The following PLEKHG2 variants were observed in gnomAD, a reference collection of about 807,000 sequenced individuals.
PLEKHG2 encodes the protein pleckstrin homology domain-containing family G member 2.
In PLEKHG2, 71 loss-of-function variants were observed where a neutral mutation model predicts 104.4. That is an observed-to-expected ratio of 0.68 (90% CI 0.56 to 0.83). The LOEUF is 0.83. Among genes scored for constraint, PLEKHG2 ranks in the 40% least tolerant of loss-of-function variants. The probability of loss-of-function intolerance (pLI) is 0.00; values close to 1 mark genes in which losing one functional copy is unlikely to be tolerated. For synonymous variants in PLEKHG2, 728 were observed against 737.0 expected (o/e 0.99, Z 0.20); for missense variants, 1,730 against 1,809.4 (o/e 0.96, Z 0.80).
At position 39,416,594 on chromosome 19, in the gene PLEKHG2, C is replaced by A; in HGVS notation, c.590C>A (p.Pro197Gln). Reference protein sequence around the residue: ...DIYTLYCMNYPSSLALLRELS... With the variant: ...DIYTLYCMNYQSSLALLRELS... Reference sequence around the variant, plus strand: ...TACACATTGTACTGCATGAACTACCCGAGGTGAGGGGCAGGAGCCCCTGCT... The same window carrying A: ...TACACATTGTACTGCATGAACTACCAGAGGTGAGGGGCAGGAGCCCCTGCT... Residue 197 changes from proline (P) to glutamine (Q), a missense_variant, in exon 6 of 19, where the codon CCG (proline) becomes CAG (glutamine). Transcript: ENST00000425673. This position sits in a 1 kb window ranked among gnomAD's most constrained non-coding sequence, Gnocchi z 4.5. The A allele has an allele frequency of 6.2e-7, 1 of 1,613,892 alleles. No individual in the cohort carries two copies. Among genetic ancestry groups the A allele is most frequent in the Non-Finnish European group, 8.5e-7 (1 of 1,179,950 alleles).
In PLEKHG2 at chr19:39,414,136, T is replaced by G; in HGVS notation, c.50T>G (p.Leu17Arg). The part of the protein sequence containing the change: ...GLSLSKPSPS[L>R]GCGRRGEVCD... Reference sequence around the variant, plus strand: ...AGCCTCTCCAAACCTAGCCCAAGCCTCGGGTGTGGCCGAAGAGGTGAAGTG... The same window carrying G: ...AGCCTCTCCAAACCTAGCCCAAGCCGCGGGTGTGGCCGAAGAGGTGAAGTG... Residue 17 changes from leucine to arginine, a missense_variant, in exon 2 of 19, where the codon CTC (leucine) becomes CGC (arginine). Leu to Arg is a moderately radical substitution (Grantham distance 102). Coordinates refer to ENST00000425673, the MANE Select transcript of PLEKHG2 (RefSeq NM_022835.3). The G allele has an allele frequency of 6.4e-7, 1 of 1,551,520 alleles. No individual in the cohort carries two copies. Among genetic ancestry groups the G allele is most frequent in the Non-Finnish European group, 8.7e-7 (1 of 1,146,902 alleles).
rs376758105 is a variant in PLEKHG2 at position 39,423,021 on chromosome 19, T to C, written c.1967T>C (p.Leu656Pro). 1 of 1,614,090 alleles carries C rather than the reference T, an allele frequency of 6.2e-7. No individual in the cohort carries two copies. Among genetic ancestry groups the C allele is most frequent in the Admixed American group, 1.7e-5 (1 of 60,006 alleles). Residue 656 changes from leucine to proline, a missense_variant, in exon 18 of 19, where the codon CTT becomes CCT. Physicochemically the swap from Leu to Pro is moderately conservative, Grantham distance 98 (BLOSUM62 -3). Coordinates refer to ENST00000425673, the MANE Select transcript of PLEKHG2 (RefSeq NM_022835.3). ...TGTGAAATTCCCGAAGGTTCTCGCC[T>C]TCCTAGTCTCTCTGACATTTCCGAT... ...SRCEIPEGSRLPSLSDISDVF... is the reference protein window; with the variant it reads ...SRCEIPEGSRPPSLSDISDVF...
Position 39,423,287 on chromosome 19 carries a change from C to G in PLEKHG2, c.2233C>G (p.Gln745Glu), listed in dbSNP as rs753321306. 2.4e-5 allele frequency: 38 copies of G among 1,613,958 alleles called. 1 individual carries two copies. In the South Asian group the frequency reaches 4.2e-4, roughly 18 times the overall value. ...DEEGVSFTDF[Q>E]PQDVTQHQGF... is the part of the protein sequence containing the mutation. ...AGAAGGGGTATCATTCACAGACTTC[C>G]AGCCCCAGGATGTCACCCAACATCA... Residue 745 changes from glutamine (Q) to glutamate (E), a missense_variant, in exon 18 of 19, where the codon CAG becomes GAG. Gln to Glu is a conservative substitution (Grantham distance 29, BLOSUM62 2). Transcript: ENST00000425673.
rs887112623 is a variant in PLEKHG2, at chr19:39,424,903, C to T, written c.3770C>T (p.Thr1257Met). 1.5e-5 allele frequency: 25 copies of T among 1,614,228 alleles called. No individual in the cohort carries two copies. The highest frequency in any genetic ancestry group is 6.7e-5 in the East Asian group (3 of 44,890). Reference protein sequence around the residue: ...HVARLESSDLTPPHSPPPSSR... With the variant: ...HVARLESSDLMPPHSPPPSSR... ...GCCAGGTTGGAGTCTTCAGACTTGA[C>T]GCCACCTCATAGTCCCCCACCTTCC... Residue 1257 changes from threonine (T) to methionine (M), a missense_variant, in exon 19 of 19, where the codon ACG becomes ATG. Thr to Met is a moderately conservative substitution (Grantham distance 81). Coordinates refer to ENST00000425673, the MANE Select transcript of PLEKHG2 (RefSeq NM_022835.3).
rs999859814 is a variant in PLEKHG2 at position 39,427,481 on chromosome 19, G to A, written c.*2187G>A. ...TGGGATTGCAGGCGCCCACGACCAC[G>A]CCCAGCTAATTTTTGTATTTTGTAG... On this transcript the variant is annotated 3_prime_UTR_variant, in exon 19 of 19. Coordinates refer to ENST00000425673, the MANE Select transcript of PLEKHG2 (RefSeq NM_022835.3). The A allele has an allele frequency of 7.9e-5, 12 of 151,760 alleles. No individual in the cohort carries two copies. Among genetic ancestry groups the A allele is most frequent in the African/African-American group, 2.7e-4 (11 of 41,226 alleles). The allele number at this position is 151,760 out of a possible 1,614,324, so 9.4% of individuals were successfully genotyped here. A position where few individuals can be genotyped will look rare whatever the true frequency, so the allele number is the denominator to read the frequency against.
At position 39,420,811 on chromosome 19, in the gene PLEKHG2, C is replaced by T. The variant is rs34975345; in HGVS notation, c.1358C>T (p.Pro453Leu). The change falls in exon 13 of 19, where the codon CCT (proline) becomes CTT (leucine). Residue 453 changes from proline (P) to leucine (L), a missense_variant. Transcript: ENST00000425673. ...PLTPPLGSPR[P>L]RDARSFTPGR... Reference sequence around the variant, plus strand: ...ACACCCCCACTTGGGTCTCCTCGACCTCGAGATGCTAGAAGTTTTACCCCT... The same window carrying T: ...ACACCCCCACTTGGGTCTCCTCGACTTCGAGATGCTAGAAGTTTTACCCCT... The T allele has an allele frequency of 1.2e-5, 20 of 1,614,052 alleles. No homozygotes were observed. The highest frequency in any genetic ancestry group is 1.6e-5 in the Non-Finnish European group (19 of 1,180,036).
At position 39,427,972 on chromosome 19, in the gene PLEKHG2, G is replaced by A. The variant is rs1441039311; in HGVS notation, c.*2678G>A. ...AATCCCAACACTTCGTGAGGCCAAG[G>A]CAGGTGGATCACTTGAAGTGAGGAG... On this transcript the variant is annotated 3_prime_UTR_variant, in exon 19 of 19. Coordinates refer to ENST00000425673, the MANE Select transcript of PLEKHG2 (RefSeq NM_022835.3). The A allele has an allele frequency of 6.6e-6, 1 of 152,220 alleles. No individual in the cohort carries two copies. Among genetic ancestry groups the A allele is most frequent in the Non-Finnish European group, 1.5e-5 (1 of 68,066 alleles). The allele number at this position is 152,220 out of a possible 1,614,324, so 9.4% of individuals were successfully genotyped here. A position where few individuals can be genotyped will look rare whatever the true frequency, so the allele number is the denominator to read the frequency against.
rs753041180 is a variant in PLEKHG2 at position 39,412,783 on chromosome 19, C to G, written c.-652C>G. On this transcript the variant is annotated 5_prime_UTR_variant, in exon 1 of 19. Coordinates refer to ENST00000425673, the MANE Select transcript of PLEKHG2 (RefSeq NM_022835.3). The stretch of plus-strand genomic sequence containing the variant: ...TTCTGCACCGCATCCTGAGAGACCC[C>G]GAGGTCCAGACCCCGGCGCCCAGGC... 2 of 152,222 alleles carry G rather than the reference C, an allele frequency of 1.3e-5. No individual in the cohort carries two copies. Among genetic ancestry groups the G allele is most frequent in the Admixed American group, 6.5e-5 (1 of 15,294 alleles). 9.4% of individuals were successfully genotyped at this position (152,222 alleles called of 1,614,324 possible).
rs1391938285 is a variant in PLEKHG2, at chr19:39,422,714, C to T, written c.1678-18C>T. The stretch of plus-strand genomic sequence containing the variant: ...ACCATGCTGATATGTTTGGCTTGTT[C>T]TCCTGTGCCCACTATAGCCGTCCAC... On this transcript the variant is annotated intron_variant, in intron 17 of 18. Coordinates refer to ENST00000425673, the MANE Select transcript of PLEKHG2 (RefSeq NM_022835.3). The T allele has an allele frequency of 4.0e-6, 6 of 1,512,724 alleles. No homozygotes were observed. The East Asian group carries it at 1.1e-4, about 29-fold the overall frequency. The allele number at this position is 1,512,724 out of a possible 1,614,324, so 93.7% of individuals were successfully genotyped here. A position where few individuals can be genotyped will look rare whatever the true frequency, so the allele number is the denominator to read the frequency against.
rs2078584029 is a variant in PLEKHG2 at position 39,415,252 on chromosome 19, A to G, written c.370A>G (p.Ile124Val). The stretch of plus-strand genomic sequence containing the variant: ...GGCCTATGTCAGGGACCTCCGCAGC[A>G]TCGTGGAGGTAAGGCGGGCAGACAC... ...ERAYVRDLRS[I>V]VEDYLGPLLD... The change falls in exon 3 of 19, where the codon ATC (isoleucine) becomes GTC (valine). Residue 124 changes from isoleucine (I) to valine (V), a missense_variant. By Grantham distance (29) the Ile-to-Val change is conservative (BLOSUM62 3). Coordinates refer to ENST00000425673, the MANE Select transcript of PLEKHG2 (RefSeq NM_022835.3). The surrounding 1 kb of genome is among the most constrained non-coding windows in gnomAD (Gnocchi z 4.6). 2.5e-6 allele frequency: 4 copies of G among 1,592,726 alleles called. No individual in the cohort carries two copies. Among genetic ancestry groups the G allele is most frequent in the African/African-American group, 1.3e-5 (1 of 74,498 alleles).
intron 11 of PLEKHG2, among the ~76,000 whole-genome samples, chr19:39,419,793 C>T (rs1417383233): frequency 6.6e-6 from 1 of 151,998 alleles, no homozygotes; most frequent in African/African-American, 2.4e-5. Flanking sequence ...AGGAGAATGG[C>T]GTGAACCCAG....
At position 39,420,940 on chromosome 19, in the gene PLEKHG2, C is replaced by G. The variant is rs773525118; in HGVS notation, c.1400-9C>G. The G allele has an allele frequency of 1.2e-6, 2 of 1,614,084 alleles. No homozygotes were observed. The highest frequency in any genetic ancestry group is 1.7e-6 in the Non-Finnish European group (2 of 1,180,022). On this transcript the variant is annotated splice_polypyrimidine_tract_variant and intron_variant, in intron 13 of 18. Coordinates refer to ENST00000425673, the MANE Select transcript of PLEKHG2 (RefSeq NM_022835.3). ...GGCTCACACAGGGCTCTGGCCCTCCCTCCCACAGCTCCATCTCCTGGGCCC... is the reference window on the plus strand; with the variant it reads ...GGCTCACACAGGGCTCTGGCCCTCCGTCCCACAGCTCCATCTCCTGGGCCC...
At position 39,424,375 on chromosome 19, in the gene PLEKHG2, A is replaced by T; in HGVS notation, c.3242A>T (p.His1081Leu). ...CAACCCATCCAGCCTTTGTCTTGGC[A>T]TGGAAGCAGCCTGGATCCCCAGGGC... ...CSQPIQPLSW[H>L]GSSLDPQGPG... Residue 1081 changes from histidine to leucine, a missense_variant, in exon 19 of 19, where the codon CAT becomes CTT. By Grantham distance (99) the His-to-Leu change is moderately conservative. Coordinates refer to ENST00000425673, the MANE Select transcript of PLEKHG2 (RefSeq NM_022835.3). 6.2e-7 allele frequency: 1 copy of T among 1,614,060 alleles called. No homozygotes were observed.
rs199801923 is a variant in PLEKHG2 at position 39,423,357 on chromosome 19, G to C, written c.2303G>C (p.Arg768Pro). The C allele has an allele frequency of 6.2e-7, 1 of 1,613,576 alleles. No homozygotes were observed. Among genetic ancestry groups the C allele is most frequent in the African/African-American group, 1.3e-5 (1 of 75,044 alleles). ...GCATTCCGCTCTTGCTCAGAAATCC[G>C]GAGCGCCTGGCAGGCATTGGAACAG... ...ELAFRSCSEI[R>P]SAWQALEQGQ... The change falls in exon 18 of 19, where the codon CGG (arginine) becomes CCG (proline). Residue 768 changes from arginine to proline, a missense_variant. By Grantham distance (103) the Arg-to-Pro change is moderately radical. Transcript: ENST00000425673.
chr19:39,420,840 C>T lies in PLEKHG2; in HGVS notation c.1387C>T (p.Arg463Ter), dbSNP rs779007896. 4 of 1,614,162 alleles carry T rather than the reference C, an allele frequency of 2.5e-6. No homozygotes were observed. Among genetic ancestry groups the T allele is most frequent in the East Asian group, 2.2e-5 (1 of 44,890 alleles). ...AGATGCTAGAAGTTTTACCCCTGGG[C>T]GAAGGAACACAGGTAAAGGCGGTGG... is the stretch of plus-strand genomic sequence containing the variant. Reference protein sequence around the residue: ...PRDARSFTPGRRNTAPSPGPS... With the variant: ...PRDARSFTPG Residue 463 changes from arginine to a stop codon, truncating the protein, a stop_gained, in exon 13 of 19, where the codon CGA (arginine) becomes TGA (stop). Transcript: ENST00000425673. LOFTEE classifies it high-confidence loss of function.
Position 39,424,966 on chromosome 19 carries a change from C to A in PLEKHG2, c.3833C>A (p.Ser1278Tyr). The change falls in exon 19 of 19, where the codon TCC (serine) becomes TAC (tyrosine). Residue 1278 changes from serine (S) to tyrosine (Y), a missense_variant. Transcript: ENST00000425673. Reference sequence around the variant, plus strand: ...CTGGGCCCCAATGCAGCTGCCCTCTCCAGATACCTGGCAGCCTCATATATC... The same window carrying A: ...CTGGGCCCCAATGCAGCTGCCCTCTACAGATACCTGGCAGCCTCATATATC... ...QLLGPNAAAL[S>Y]RYLAASYISQ... 3 of 1,614,054 alleles carry A rather than the reference C, an allele frequency of 1.9e-6. No homozygotes were observed. Among genetic ancestry groups the A allele is most frequent in the South Asian group, 1.1e-5 (1 of 91,068 alleles).
At position 39,416,481 on chromosome 19, in the gene PLEKHG2, G is replaced by T. The variant is rs1449057609; in HGVS notation, c.546+67G>T. ...TTTGTAGAGGGGGGAGAGCAGGCTTGGGCTAGGCTGGAAGGGGGGTCGTGG... is the reference window on the plus strand; with the variant it reads ...TTTGTAGAGGGGGGAGAGCAGGCTTTGGCTAGGCTGGAAGGGGGGTCGTGG... On this transcript the variant is annotated intron_variant, in intron 5 of 18. Transcript: ENST00000425673. The surrounding 1 kb of genome is among the most constrained non-coding windows in gnomAD (Gnocchi z 4.5). 3.7e-6 allele frequency: 6 copies of T among 1,612,466 alleles called. No homozygotes were observed. The African/African-American group carries it at 6.7e-5, about 18-fold the overall frequency.
Position 39,428,309 on chromosome 19 carries a change from C to T in PLEKHG2, c.*3015C>T, listed in dbSNP as rs1414336572. The T allele has an allele frequency of 6.6e-6, 1 of 152,316 alleles. No homozygotes were observed. The highest frequency in any genetic ancestry group is 2.4e-5 in the African/African-American group (1 of 41,470). 9.4% of individuals were successfully genotyped at this position (152,316 alleles called of 1,614,324 possible). A position where few individuals can be genotyped will look rare whatever the true frequency, so the allele number is the denominator to read the frequency against. On this transcript the variant is annotated 3_prime_UTR_variant, in exon 19 of 19. Coordinates refer to ENST00000425673, the MANE Select transcript of PLEKHG2 (RefSeq NM_022835.3). ...AGAACACTGCCTTGCCCGCATGAGG[C>T]TTGTGGCCTGGTACTGTGCACACCT...
intron 7 of PLEKHG2, among the ~76,000 whole-genome samples, chr19:39,417,216 G>A (rs976957003): frequency 5.3e-5 from 8 of 150,560 alleles, no homozygotes; most frequent in African/African-American, 2.0e-4. Context: ...ACAGTGGTGC[G>A]ATCTTGGCTC....
Sources: allele counts gnomAD v4.1 joint callset (sites outside exome capture counted in the v4.1 genomes callset), GRCh38; gene constraint gnomAD v4.1.1; non-coding constraint Gnocchi (gnomAD v3.1); transcripts MANE v1.5; gene names NCBI Gene and HGNC (gene_info 2026-07-23, HGNC 2026-07-21).